ZFAT: variants seen among roughly 807,000 people sequenced by gnomAD.
The protein encoded by ZFAT is zinc finger and AT-hook domain containing, also known as zinc finger protein ZFAT.
Under a neutral mutation model 117.7 loss-of-function variants are expected in ZFAT, and 64 were observed. That is an observed-to-expected ratio of 0.54 (90% confidence interval 0.44 to 0.67). ZFAT has a LOEUF of 0.67. ZFAT is among the 30% of genes least tolerant of loss of function. The pLI, the probability that ZFAT is intolerant of heterozygous loss-of-function variation, is 0.00. For synonymous variants in ZFAT, 679 were observed against 615.0 expected (o/e 1.10, Z -1.54); for missense variants, 1,433 against 1,584.5 (o/e 0.90, Z 1.62).
chr8:134,650,652 CA>C (rs1831180934), intron 2 of ZFAT, among the ~76,000 whole-genome samples: 1 of 152,140 alleles, frequency 6.6e-6, no homozygotes, highest in African/African-American at 2.4e-5. Flanking sequence ...TTCCCCATTT[CA>C]AAACTTACTA....
the ZFAT span, among the ~76,000 whole-genome samples, chr8:134,813,664 C>G: frequency 6.6e-6 from 1 of 152,136 alleles, no homozygotes; most frequent in African/African-American, 2.4e-5. Context: ...ATCCACCTGC[C>G]TCAGCCGCCT....
chr8:134,718,967 G>A, the ZFAT span, among the ~76,000 whole-genome samples: 1 of 152,210 alleles, frequency 6.6e-6, no homozygotes, highest in Non-Finnish European at 1.5e-5. Flanking sequence ...GGTGTGCTCT[G>A]CAGTGCATCC....
At chr8:134,741,261 T>C in the ZFAT span, among the ~76,000 whole-genome samples, 2 of 152,092 alleles carry the variant, frequency 1.3e-5, no homozygotes, top group East Asian at 3.9e-4. Flanking sequence ...TAACTTCATA[T>C]TGGCTCACGT....
intron 1 of ZFAT, among the ~76,000 whole-genome samples, chr8:134,707,830 T>C (rs79281711): frequency 6.6e-6 from 1 of 152,232 alleles, no homozygotes; most frequent in African/African-American, 2.4e-5. Flanking sequence ...TGCAGCTCCA[T>C]GTATTACATG....
the ZFAT span, among the ~76,000 whole-genome samples, chr8:134,762,613 G>T: frequency 6.6e-6 from 1 of 152,096 alleles, no homozygotes; most frequent in Non-Finnish European, 1.5e-5. Context: ...TTTGGGATTT[G>T]GTCTTTGTGT....
chr8:134,729,145 A>T, the ZFAT span, among the ~76,000 whole-genome samples: 1 of 152,234 alleles, frequency 6.6e-6, no homozygotes, highest in East Asian at 1.9e-4. Context: ...TAATTTATAG[A>T]CATGACCCCT....
At chr8:134,812,319 A>G in the ZFAT span, among the ~76,000 whole-genome samples, 1 of 152,240 alleles carries the variant, frequency 6.6e-6, no homozygotes, top group Admixed American at 6.5e-5. Flanking sequence ...TAATTCACAT[A>G]GCTTTTACCA....
upstream of ZFAT, among the ~76,000 whole-genome samples, chr8:134,717,391 T>C (rs2131379777): frequency 7.5e-6 from 1 of 133,730 alleles, no homozygotes; most frequent in Middle Eastern, 5.7e-3. Context: ...TGTGGTCCAA[T>C]AAGGGCAGTC....
At chr8:134,624,810 A>G (rs911757690) in intron 3 of ZFAT, among the ~76,000 whole-genome samples, 3 of 152,262 alleles carry the variant, frequency 2.0e-5, no homozygotes, top group African/African-American at 7.2e-5. Flanking sequence ...GCAGGCAACT[A>G]AAGAGTTTAA....
At chr8:134,671,471 TC>T (rs1269095894) in intron 1 of ZFAT, among the ~76,000 whole-genome samples, 2 of 152,154 alleles carry the variant, frequency 1.3e-5, no homozygotes, top group African/African-American at 4.8e-5. Context: ...ATAAATGTAA[TC>T]CAGCATATAA....
Position 134,477,996 on chromosome 8 carries a change from C to T in ZFAT, c.*486G>A, listed in dbSNP as rs1024820381. 2 of 159,830 alleles carry T rather than the reference C, an allele frequency of 1.3e-5. No individual in the cohort carries two copies. The highest frequency in any genetic ancestry group is 2.8e-5 in the Non-Finnish European group (2 of 72,082). The allele number at this position is 159,830 out of a possible 1,614,324, so 9.9% of individuals were successfully genotyped here. A position where few individuals can be genotyped will look rare whatever the true frequency, so the allele number is the denominator to read the frequency against. The stretch of plus-strand genomic sequence containing the variant: ...CGACAAAGCCAGGACAATCCCCCTA[C>T]CCCCACCCCACCCAGCAGTGATTAA... On this transcript the variant is annotated 3_prime_UTR_variant, in exon 16 of 16. Coordinates refer to ENST00000377838, the MANE Select transcript of ZFAT (RefSeq NM_020863.4).
At chr8:134,781,912 A>G in the ZFAT span, among the ~76,000 whole-genome samples, 1 of 152,234 alleles carries the variant, frequency 6.6e-6, no homozygotes, top group Non-Finnish European at 1.5e-5. Context: ...AGTATATAAT[A>G]CATATAGCAT....
In ZFAT at chr8:134,602,574, T is replaced by C. The variant is rs1182277105; in HGVS notation, c.1145A>G (p.Lys382Arg). ...HIRDAHDPQD[K>R]KVKEALDELC... The stretch of plus-strand genomic sequence containing the variant: ...CTCGTCCAAGGCCTCTTTGACCTTC[T>C]TGTCCTGTGGGTCATGCGCGTCTCG... Residue 382 changes from lysine to arginine, a missense_variant, in exon 6 of 16, where the codon AAG (lysine) becomes AGG (arginine). Around this residue, in one of 5 missense-constraint regions of ZFAT, gnomAD observed 436 missense variants for 482.0 expected, o/e 0.90. Transcript: ENST00000377838. The C allele has an allele frequency of 1.2e-6, 2 of 1,614,030 alleles. No individual in the cohort carries two copies. Among genetic ancestry groups the C allele is most frequent in the African/African-American group, 2.7e-5 (2 of 74,958 alleles).
chr8:134,819,929 T>C, the ZFAT span, among the ~76,000 whole-genome samples: 1 of 152,144 alleles, frequency 6.6e-6, no homozygotes, highest in Non-Finnish European at 1.5e-5. Context: ...TAAAATCCCA[T>C]GCAGAGTGAG....
intron 11 of ZFAT, among the ~76,000 whole-genome samples, chr8:134,540,198 G>T (rs550541781): frequency 2.0e-5 from 3 of 152,150 alleles, no homozygotes. Flanking sequence ...GAATGCAGGG[G>T]CAGGCAGCCA....
At chr8:134,534,981 GC>G (rs1821726050) in intron 11 of ZFAT, among the ~76,000 whole-genome samples, 2 of 152,112 alleles carry the variant, frequency 1.3e-5, no homozygotes, top group African/African-American at 4.8e-5. Context: ...TCCTGGGGAT[GC>G]CCCCTGCTCA....
intron 1 of ZFAT, 127 bp downstream of exon 1, chr8:134,712,718 C>CGCGGCTGGCGGCCG: frequency 1.2e-6 from 1 of 824,852 alleles, no homozygotes; most frequent in South Asian, 2.1e-5. Context: ...CGGATCCCTC[C>CGCGGCTGGCGGCCG]GCGGCCGGCG....
At chr8:134,566,575 A>G (rs1824485300) in intron 10 of ZFAT, among the ~76,000 whole-genome samples, 1 of 152,228 alleles carries the variant, frequency 6.6e-6, no homozygotes, top group Non-Finnish European at 1.5e-5. Context: ...CCTACTTCGT[A>G]TAGCAGTAAA....
chr8:134,550,325 A>AAAAAAAAACAAC (rs1554643709), intron 11 of ZFAT, among the ~76,000 whole-genome samples: 34 of 150,620 alleles, frequency 2.3e-4, no homozygotes, highest in African/African-American at 8.2e-4. Context: ...AAAAAAAAAA[A>AAAAAAAAACAAC]AAAAAAACAG....
Sources: gnomAD v4.1 joint callset for allele counts (sites outside exome capture counted in the v4.1 genomes callset) on GRCh38, gnomAD v4.1.1 for gene constraint, gnomAD v4.1.1 regional missense constraint, MANE v1.5 for transcripts, NCBI Gene and HGNC (gene_info 2026-07-23, HGNC 2026-07-21) for gene names.